The following SUGP2 variants were observed in gnomAD, a reference collection of about 807,000 sequenced individuals.
SUGP2 encodes SURP and G-patch domain-containing protein 2.
SUGP2 carries 24 observed loss-of-function variants against 90.5 expected under a neutral mutation model. The ratio of observed to expected loss-of-function variants is 0.27; its 90% CI spans 0.19 to 0.37. The LOEUF is 0.37. Ranked by LOEUF, SUGP2 falls within the 10% of genes least tolerant of loss-of-function variation. The pLI, the probability that SUGP2 is intolerant of heterozygous loss-of-function variation, is 1.00. For missense variants in SUGP2, 1,233 were observed against 1,363.3 expected, an observed-to-expected ratio of 0.90 and a Z score of 1.51; for synonymous variants, 473 against 513.4, an observed-to-expected ratio of 0.92 and a Z score of 1.06.
chr19:19,014,182 G>A (rs539983504), intron 4 of SUGP2, among the ~76,000 whole-genome samples: 136 of 152,216 alleles, frequency 8.9e-4, no homozygotes, highest in Middle Eastern at 3.4e-3. Context: ...TAGTAGAGAT[G>A]GGGTTTCATC....
In SUGP2 at chr19:19,009,855, T is replaced by C; in HGVS notation, c.2338A>G (p.Ile780Val). Reference sequence around the variant, plus strand: ...GAGGGGGACAGGAGTGAGCACCCACTGTCAGCAGATGGGCAGGGAGAAGAG... The same window carrying C: ...GAGGGGGACAGGAGTGAGCACCCACCGTCAGCAGATGGGCAGGGAGAAGAG... ...QTSSPCPSAD[I>V]DMKTMETAEK... Residue 780 changes from isoleucine to valine, a missense_variant and splice_region_variant, in exon 5 of 11, where the codon ATT becomes GTT. Ile to Val is a conservative substitution (Grantham distance 29). Transcript: ENST00000452918. 6.2e-7 allele frequency: 1 copy of C among 1,602,078 alleles called. No individual in the cohort carries two copies. The highest frequency in any genetic ancestry group is 8.5e-7 in the Non-Finnish European group (1 of 1,172,492).
intron 1 of SUGP2, among the ~76,000 whole-genome samples, chr19:19,032,310 C>G (rs2145793352): frequency 6.6e-6 from 1 of 152,096 alleles, no homozygotes; most frequent in African/African-American, 2.4e-5. Context: ...AGGAGTCCGC[C>G]ACCGCATCCG....
intron 4 of SUGP2, among the ~76,000 whole-genome samples, chr19:19,014,676 C>T (rs1163467610): frequency 6.6e-6 from 1 of 151,550 alleles, no homozygotes; most frequent in African/African-American, 2.4e-5. Context: ...TGGTGTACTC[C>T]TGTAGTCTCA....
At chr19:19,004,129 C>G (rs763307838) in intron 7 of SUGP2, 39 bp downstream of exon 7, 50 of 1,466,372 alleles carry the variant, frequency 3.4e-5, no homozygotes, top group African/African-American at 1.1e-4. Flanking sequence ...CAACCAAGAA[C>G]TGTGCTAGAG....
intron 6 of SUGP2, among the ~76,000 whole-genome samples, chr19:19,006,786 T>C (rs2013813): frequency 0.89 from 134,966 of 152,132 alleles, 60,185 homozygotes; most frequent in African/African-American, 0.97. Flanking sequence ...CTGGTCAGGC[T>C]TCCCGTCTGT....
chr19:19,027,100 C>T (rs1242445412), intron 2 of SUGP2, among the ~76,000 whole-genome samples: 2 of 152,020 alleles, frequency 1.3e-5, no homozygotes, highest in African/African-American at 2.4e-5. Flanking sequence ...GGCAACATAG[C>T]GAGACCCTAT....
At chr19:19,033,635 C>T, upstream of SUGP2, 3 of 1,122,860 alleles carry the variant, frequency 2.7e-6, no homozygotes, top group South Asian at 4.5e-5. Flanking sequence ...GCGCGCTGTC[C>T]GCTTCTTCTG....
At chr19:18,995,114 C>CCA in intron 9 of SUGP2, 30 bp downstream of exon 9, 1 of 1,572,384 alleles carries the variant, frequency 6.4e-7, no homozygotes, top group Non-Finnish European at 8.7e-7. Flanking sequence ...AGGCCCCACC[C>CCA]ACTCCCACCC....
At chr19:19,024,302 G>T (rs1368341555) in intron 3 of SUGP2, among the ~76,000 whole-genome samples, 1 of 151,782 alleles carries the variant, frequency 6.6e-6, no homozygotes, top group Non-Finnish European at 1.5e-5. Context: ...GTAGAGATGG[G>T]GTTTCACCAT....
rs1484697493 is a variant in SUGP2, at chr19:18,993,746, C to G, written c.*1-6G>C. The G allele has an allele frequency of 1.3e-5, 2 of 151,700 alleles. No homozygotes were observed. Among genetic ancestry groups the G allele is most frequent in the South Asian group, 2.1e-4 (1 of 4,784 alleles). 9.4% of individuals were successfully genotyped at this position (151,700 alleles called of 1,614,324 possible). On this transcript the variant is annotated splice_region_variant and splice_polypyrimidine_tract_variant and intron_variant, in intron 10 of 10. Coordinates refer to ENST00000452918, the MANE Select transcript of SUGP2 (RefSeq NM_001017392.5). ...TTCACATCAGTGGTTTTGATCTATTCAGGAAGAGAACGATTTTGTTCAAAA... is the reference window on the plus strand; with the variant it reads ...TTCACATCAGTGGTTTTGATCTATTGAGGAAGAGAACGATTTTGTTCAAAA...
intron 6 of SUGP2, among the ~76,000 whole-genome samples, chr19:19,005,236 A>G (rs907147830): frequency 2.6e-5 from 4 of 152,148 alleles, no homozygotes; most frequent in Non-Finnish European, 5.9e-5. Flanking sequence ...ACAGCTATGA[A>G]GCTGTGGCTG....
chr19:19,027,201 G>A (rs1235227965), intron 2 of SUGP2, among the ~76,000 whole-genome samples: 1 of 152,212 alleles, frequency 6.6e-6, no homozygotes, highest in East Asian at 1.9e-4. Flanking sequence ...AGGAAGAGAA[G>A]TGAACTACGG....
intron 4 of SUGP2, among the ~76,000 whole-genome samples, chr19:19,011,776 CGCTTGA>C (rs2058323145): frequency 6.6e-6 from 1 of 152,090 alleles, no homozygotes; most frequent in Admixed American, 6.6e-5. Context: ...GCAGGTGGGT[CGCTTGA>C]GCCCAGGAGT....
chr19:19,019,149 G>C lies in SUGP2; in HGVS notation c.1810C>G (p.Pro604Ala). The C allele has an allele frequency of 6.2e-7, 1 of 1,614,148 alleles. No homozygotes were observed. Residue 604 changes from proline (P) to alanine (A), a missense_variant, in exon 4 of 11, where the codon CCC (proline) becomes GCC (alanine). Physicochemically the swap from Pro to Ala is conservative, Grantham distance 27 (BLOSUM62 -1). Coordinates refer to ENST00000452918, the MANE Select transcript of SUGP2 (RefSeq NM_001017392.5). ...VKRVIEGSLS[P>A]KERTLLKEDP... is the part of the protein sequence containing the mutation. ...TCTTTGAGAAGAGTTCTCTCTTTGG[G>C]AGACAGGCTGCCTTCGATGACACGT...
chr19:19,033,833 C>G (rs1052356429), upstream of SUGP2: 1 of 274,640 alleles, frequency 3.6e-6, no homozygotes, highest in African/African-American at 2.2e-5. Context: ...AGGGGCGCCA[C>G]AGCGCCTGCG....
At chr19:18,994,720 C>T (rs1237588834) in intron 9 of SUGP2, 2 of 572,542 alleles carry the variant, frequency 3.5e-6, no homozygotes, top group Non-Finnish European at 6.1e-6. Context: ...GAATGCCTTA[C>T]CCAGCAGGAA....
At chr19:19,021,085 G>A (rs1378631067) in intron 3 of SUGP2, among the ~76,000 whole-genome samples, 1 of 147,436 alleles carries the variant, frequency 6.8e-6, no homozygotes, top group Non-Finnish European at 1.5e-5. Context: ...CTTGAACCTG[G>A]GAGGCTGAGA....
intron 8 of SUGP2, 80 bp downstream of exon 8, chr19:19,001,533 C>T: frequency 7.2e-7 from 1 of 1,383,370 alleles, no homozygotes; most frequent in East Asian, 2.3e-5. Context: ...AGCTTAATCA[C>T]AAGCTGCAGC....
At position 19,030,976 on chromosome 19, in the gene SUGP2, G is replaced by A. The variant is rs1430406465; in HGVS notation, c.96C>T (p.Ser32=). Residue 32 remains serine (S), a synonymous_variant, in exon 2 of 11, where the codon AGC becomes AGT. Coordinates refer to ENST00000452918, the MANE Select transcript of SUGP2 (RefSeq NM_001017392.5). ...CTTGAGCTTTAAACTGAAGAGTTTC[G>A]CTTACAGCCTCACCACTGGCATCCA... ...YHMDASGEAV[S]ETLQFKAQDL... 20 of 1,612,142 alleles carry A rather than the reference G, an allele frequency of 1.2e-5. No homozygotes were observed. The highest frequency in any genetic ancestry group is 1.2e-4 in the South Asian group (11 of 90,696).
Sources: gnomAD v4.1 joint callset for allele counts (sites outside exome capture counted in the v4.1 genomes callset) on GRCh38, gnomAD v4.1.1 for gene constraint, MANE v1.5 for transcripts, NCBI Gene and HGNC (gene_info 2026-07-23, HGNC 2026-07-21) for gene names.